AK9: variants seen among roughly 807,000 people sequenced by gnomAD.
The protein encoded by AK9 is adenylate kinase 9.
In AK9, 191 loss-of-function variants were observed where a neutral mutation model predicts 239.6. The observed-to-expected ratio is 0.80, with a 90% CI of 0.71 to 0.90. The LOEUF (loss-of-function observed/expected upper bound fraction) is 0.90, where lower values mean the gene tolerates loss of function less well. Ranked by LOEUF, AK9 falls within the 40% of genes least tolerant of loss-of-function variation. The pLI is 0.00. For synonymous variants in AK9, 689 were observed against 721.0 expected (o/e 0.96, Z 0.71); for missense variants, 1,995 against 2,214.7 (o/e 0.90, Z 1.99).
At chr6:109,621,784 C>G (rs1794841629) in intron 12 of AK9, among the ~76,000 whole-genome samples, 1 of 141,646 alleles carries the variant, frequency 7.1e-6, no homozygotes, top group Non-Finnish European at 1.5e-5. Flanking sequence ...GGAGATATAC[C>G]TAATGCTAGA....
intron 16 of AK9, among the ~76,000 whole-genome samples, chr6:109,611,433 C>T (rs574708845): frequency 1.8e-4 from 27 of 152,196 alleles, no homozygotes; most frequent in South Asian, 4.1e-4. Flanking sequence ...AATATCCATT[C>T]GCCTCTTCCT....
chr6:109,656,922 C>G (rs1799772720), intron 7 of AK9, 38 bp from the exon 8 acceptor site: 2 of 1,604,084 alleles, frequency 1.2e-6, no homozygotes, highest in East Asian at 4.5e-5. Context: ...ATCTTTAGGT[C>G]AATGACTATT....
At chr6:109,515,807 G>GA in intron 31 of AK9, 50 bp downstream of exon 31, 1 of 1,456,796 alleles carries the variant, frequency 6.9e-7, no homozygotes, top group Non-Finnish European at 9.3e-7. Flanking sequence ...ACATACCTTT[G>GA]AAAAAAATAA....
chr6:109,686,043 G>T (rs1193973402), intron 1 of AK9, among the ~76,000 whole-genome samples: 1 of 152,152 alleles, frequency 6.6e-6, no homozygotes, highest in Non-Finnish European at 1.5e-5. Flanking sequence ...CTGGCAATGT[G>T]TGCATCCTTT....
At chr6:109,500,552 G>A (rs1003224263) in intron 35 of AK9, among the ~76,000 whole-genome samples, 5 of 152,164 alleles carry the variant, frequency 3.3e-5, no homozygotes, top group Non-Finnish European at 5.9e-5. Flanking sequence ...TTATGCCTAG[G>A]AAGGTCCTAA....
intron 8 of AK9, among the ~76,000 whole-genome samples, chr6:109,652,242 G>A (rs1442225202): frequency 6.6e-6 from 1 of 152,180 alleles, no homozygotes; most frequent in African/African-American, 2.4e-5. Context: ...ATGCAAGGCT[G>A]GTTCAACATA....
chr6:109,529,753 C>T (rs919698681), intron 28 of AK9, among the ~76,000 whole-genome samples: 3 of 152,128 alleles, frequency 2.0e-5, no homozygotes, highest in African/African-American at 7.2e-5. Context: ...CCCTTGCATG[C>T]ACAATTAACA....
At chr6:109,577,150 TG>T in intron 20 of AK9, among the ~76,000 whole-genome samples, 1 of 152,096 alleles carries the variant, frequency 6.6e-6, no homozygotes, top group East Asian at 1.9e-4. Flanking sequence ...TTTATTACCT[TG>T]AGGTGTGTTC....
At chr6:109,603,143 G>A (rs1792292908) in intron 17 of AK9, among the ~76,000 whole-genome samples, 1 of 152,164 alleles carries the variant, frequency 6.6e-6, no homozygotes, top group Admixed American at 6.5e-5. Flanking sequence ...AGGGGGAGAG[G>A]CACTCTGATT....
At chr6:109,598,758 T>C (rs967505466) in intron 17 of AK9, among the ~76,000 whole-genome samples, 1 of 152,228 alleles carries the variant, frequency 6.6e-6, no homozygotes, top group African/African-American at 2.4e-5. Flanking sequence ...TTTTTAATGA[T>C]CGCCATTCTA....
chr6:109,638,368 T>C (rs1197432375), intron 10 of AK9, among the ~76,000 whole-genome samples: 2 of 152,238 alleles, frequency 1.3e-5, no homozygotes, highest in Admixed American at 6.5e-5. Flanking sequence ...CCCAGTTATG[T>C]TGACCCACTG....
chr6:109,547,325 T>A (rs142672101), intron 25 of AK9, among the ~76,000 whole-genome samples: 7 of 152,364 alleles, frequency 4.6e-5, no homozygotes, highest in African/African-American at 1.7e-4. Context: ...GATGTATATA[T>A]CTTGCTCCAG....
chr6:109,603,803 T>C (rs1022180436), intron 17 of AK9, among the ~76,000 whole-genome samples: 1 of 152,186 alleles, frequency 6.6e-6, no homozygotes. Context: ...CACTGGCACA[T>C]TGCAGTTCGA....
At chr6:109,645,661 G>T (rs1029738271) in intron 8 of AK9, among the ~76,000 whole-genome samples, 1 of 152,250 alleles carries the variant, frequency 6.6e-6, no homozygotes, top group African/African-American at 2.4e-5. Flanking sequence ...GCAGAAACTT[G>T]TGCAGACTTA....
intron 10 of AK9, among the ~76,000 whole-genome samples, chr6:109,637,030 A>G (rs1243089243): frequency 6.6e-6 from 1 of 152,176 alleles, no homozygotes; most frequent in Non-Finnish European, 1.5e-5. Flanking sequence ...ACAATGCAAG[A>G]GGGTTCTCAT....
chr6:109,669,488 C>T (rs1205301851), intron 5 of AK9, among the ~76,000 whole-genome samples: 1 of 152,062 alleles, frequency 6.6e-6, no homozygotes, highest in African/African-American at 2.4e-5. Context: ...GGAATGCTTC[C>T]AGTTTTTGCC....
At chr6:109,526,707 T>A (rs568061079) in intron 29 of AK9, among the ~76,000 whole-genome samples, 1 of 152,214 alleles carries the variant, frequency 6.6e-6, no homozygotes, top group Non-Finnish European at 1.5e-5. Flanking sequence ...TTCTTTATTA[T>A]GCTGTGGTGT....
Position 109,564,297 on chromosome 6 carries a change from A to G in AK9, c.2435-17T>C. 1 of 1,518,552 alleles carries G rather than the reference A, an allele frequency of 6.6e-7. No homozygotes were observed. Among genetic ancestry groups the G allele is most frequent in the Non-Finnish European group, 8.8e-7 (1 of 1,131,420 alleles). The allele number at this position is 1,518,552 out of a possible 1,614,324, so 94.1% of individuals were successfully genotyped here. Reference sequence around the variant, plus strand: ...GTAGTACAACTTTGGAGTAAAAGACAAAGGAAAGAAAAAAGGGGCTTTAAA... The same window carrying G: ...GTAGTACAACTTTGGAGTAAAAGACGAAGGAAAGAAAAAAGGGGCTTTAAA... On this transcript the variant is annotated splice_polypyrimidine_tract_variant and intron_variant, in intron 22 of 40. Transcript: ENST00000424296.
chr6:109,536,581 T>C (rs1782025231), intron 27 of AK9, among the ~76,000 whole-genome samples: 1 of 152,214 alleles, frequency 6.6e-6, no homozygotes, highest in African/African-American at 2.4e-5. Context: ...TTTTCCTAAC[T>C]GAATACCATT....
Sources: allele counts gnomAD v4.1 joint callset (sites outside exome capture counted in the v4.1 genomes callset), GRCh38; gene constraint gnomAD v4.1.1; transcripts MANE v1.5; gene names NCBI Gene and HGNC (gene_info 2026-07-23, HGNC 2026-07-21).